SLC16A10: variants seen among roughly 807,000 people sequenced by gnomAD.
SLC16A10 encodes solute carrier family 16 member 10, also known as monocarboxylate transporter 10.
SLC16A10 carries 27 observed loss-of-function variants against 40.0 expected under a neutral mutation model. That is an observed-to-expected ratio of 0.67 (90% CI 0.50 to 0.93). SLC16A10 has a LOEUF of 0.93. SLC16A10 is among the 40% of genes least tolerant of loss of function. SLC16A10 has a pLI of 0.00. For missense variants in SLC16A10, 529 were observed against 658.2 expected (o/e 0.80, Z 2.15); for synonymous variants, 213 against 249.8 (o/e 0.85, Z 1.39).
chr6:111,134,558 A>T (rs991028633), intron 1 of SLC16A10, among the ~76,000 whole-genome samples: 1 of 145,312 alleles, frequency 6.9e-6, no homozygotes, highest in Admixed American at 6.9e-5. Flanking sequence ...CAAATGGGAT[A>T]AAAAAAAAAA....
chr6:111,093,041 CA>C (rs773591090), intron 1 of SLC16A10, among the ~76,000 whole-genome samples: 135 of 114,680 alleles, frequency 1.2e-3, no homozygotes, highest in Admixed American at 3.8e-3. Flanking sequence ...AACTCCGTCT[CA>C]AAAAAAAAAA....
intron 1 of SLC16A10, among the ~76,000 whole-genome samples, chr6:111,141,537 C>G (rs1771982124): frequency 6.6e-6 from 1 of 152,114 alleles, no homozygotes; most frequent in African/African-American, 2.4e-5. Flanking sequence ...TGGTGCATGC[C>G]TGTAATCCCA....
intron 4 of SLC16A10, among the ~76,000 whole-genome samples, chr6:111,217,523 C>A (rs888620822): frequency 6.6e-6 from 1 of 152,178 alleles, no homozygotes; most frequent in Non-Finnish European, 1.5e-5. Flanking sequence ...GATCTCGGCT[C>A]ACTGCAAGCT....
rs944521189 is a variant in SLC16A10 at position 111,222,817 on chromosome 6, G to A, written c.*582G>A. Reference sequence around the variant, plus strand: ...GTGTCAAGGGACCTTCTGGGAGCAGGTGCTAACATAGTGTTCAGAATCAAT... The same window carrying A: ...GTGTCAAGGGACCTTCTGGGAGCAGATGCTAACATAGTGTTCAGAATCAAT... On this transcript the variant is annotated 3_prime_UTR_variant, in exon 6 of 6. Coordinates refer to ENST00000368851, the MANE Select transcript of SLC16A10 (RefSeq NM_018593.5). 1 of 153,330 alleles carries A rather than the reference G, an allele frequency of 6.5e-6. No homozygotes were observed. Among genetic ancestry groups the A allele is most frequent in the African/African-American group, 2.4e-5 (1 of 41,446 alleles). The allele number at this position is 153,330 out of a possible 1,614,324, so 9.5% of individuals were successfully genotyped here.
intron 3 of SLC16A10, among the ~76,000 whole-genome samples, chr6:111,197,156 G>T (rs974769612): frequency 6.6e-6 from 1 of 152,062 alleles, no homozygotes; most frequent in Non-Finnish European, 1.5e-5. Context: ...ATGGCTCTTA[G>T]GATTAATAAA....
chr6:111,218,782 G>C, intron 4 of SLC16A10, 32 bp from the exon 5 acceptor site: 1 of 1,577,178 alleles, frequency 6.3e-7, no homozygotes, highest in East Asian at 2.2e-5. Flanking sequence ...TGCTTCCTGC[G>C]AGCGGAGCTG....
At chr6:111,116,616 G>T (rs192949836) in intron 1 of SLC16A10, among the ~76,000 whole-genome samples, 10 of 152,328 alleles carry the variant, frequency 6.6e-5, no homozygotes, top group African/African-American at 2.4e-4. Flanking sequence ...AAATGCAAAT[G>T]ATAATGGTTA....
At chr6:111,124,848 CTGTT>C (rs1277941709) in intron 1 of SLC16A10, among the ~76,000 whole-genome samples, 1 of 152,184 alleles carries the variant, frequency 6.6e-6, no homozygotes, top group Non-Finnish European at 1.5e-5. Flanking sequence ...TGCTTATCAA[CTGTT>C]TGTTCTTCCT....
At chr6:111,100,678 C>T (rs377153628) in intron 1 of SLC16A10, among the ~76,000 whole-genome samples, 3 of 151,890 alleles carry the variant, frequency 2.0e-5, no homozygotes, top group East Asian at 1.9e-4. Flanking sequence ...CCACCGTGCC[C>T]GGCCTACAGT....
At chr6:111,152,917 A>G (rs922912701) in intron 1 of SLC16A10, among the ~76,000 whole-genome samples, 1 of 152,234 alleles carries the variant, frequency 6.6e-6, no homozygotes, top group African/African-American at 2.4e-5. Flanking sequence ...CATGGTGGCA[A>G]CATTTAAGAA....
At chr6:111,140,465 A>G (rs1486458966) in intron 1 of SLC16A10, among the ~76,000 whole-genome samples, 2 of 149,128 alleles carry the variant, frequency 1.3e-5, no homozygotes, top group Non-Finnish European at 1.5e-5. Flanking sequence ...CCTGTCTCCA[A>G]AAAAAAAAAG....
chr6:111,120,677 C>G (rs1262062084), intron 1 of SLC16A10, among the ~76,000 whole-genome samples: 1 of 152,208 alleles, frequency 6.6e-6, no homozygotes, highest in African/African-American at 2.4e-5. Flanking sequence ...AGATGACTTT[C>G]ACTTATACCA....
chr6:111,133,965 G>T (rs1221158261), intron 1 of SLC16A10, among the ~76,000 whole-genome samples: 1 of 152,168 alleles, frequency 6.6e-6, no homozygotes, highest in African/African-American at 2.4e-5. Context: ...GTTTTACAAG[G>T]ATTAGGACAA....
chr6:111,191,315 C>T (rs1021201289), intron 3 of SLC16A10, among the ~76,000 whole-genome samples: 21 of 152,224 alleles, frequency 1.4e-4, no homozygotes, highest in African/African-American at 5.1e-4. Context: ...TGATGGTTTC[C>T]AGCTTCATCC....
intron 3 of SLC16A10, among the ~76,000 whole-genome samples, chr6:111,191,909 G>A (rs945411639): frequency 6.6e-6 from 1 of 152,060 alleles, no homozygotes. Context: ...GTAGATTCTG[G>A]ATATTAACCC....
At chr6:111,166,506 A>T (rs1772476880) in intron 1 of SLC16A10, among the ~76,000 whole-genome samples, 1 of 152,198 alleles carries the variant, frequency 6.6e-6, no homozygotes, top group African/African-American at 2.4e-5. Flanking sequence ...ACATAATTTA[A>T]GGCTATTAGA....
intron 4 of SLC16A10, among the ~76,000 whole-genome samples, chr6:111,214,640 G>A (rs1773393675): frequency 1.3e-5 from 2 of 152,138 alleles, no homozygotes; most frequent in African/African-American, 2.4e-5. Context: ...AAGAAGCAAA[G>A]TATTTTTCTG....
chr6:111,125,811 GTATTAT>G (rs1275198894), intron 1 of SLC16A10, among the ~76,000 whole-genome samples: 2 of 152,082 alleles, frequency 1.3e-5, no homozygotes, highest in African/African-American at 4.8e-5. Context: ...AGGTAGGATG[GTATTAT>G]TATTATCTTC....
At chr6:111,092,112 A>C (rs563222656) in intron 1 of SLC16A10, among the ~76,000 whole-genome samples, 44 of 152,194 alleles carry the variant, frequency 2.9e-4, no homozygotes, top group African/African-American at 1.0e-3. Flanking sequence ...TATGGTTATA[A>C]ATCTCACTTG....
Sources: gnomAD v4.1 joint callset for allele counts (sites outside exome capture counted in the v4.1 genomes callset) on GRCh38, gnomAD v4.1.1 for gene constraint, MANE v1.5 for transcripts, NCBI Gene and HGNC (gene_info 2026-07-23, HGNC 2026-07-21) for gene names.